Variants in FIGN observed in about 807,000 individuals in gnomAD.
The protein encoded by FIGN is fidgetin, microtubule severing factor.
FIGN carries 11 observed loss-of-function variants against 51.3 expected under a neutral mutation model. The ratio of observed to expected loss-of-function variants is 0.21; its 90% CI spans 0.13 to 0.35. The LOEUF is 0.35. Among genes scored for constraint, FIGN ranks in the 10% least tolerant of loss-of-function variants. FIGN has a pLI of 1.00. For synonymous variants in FIGN, 407 were observed against 363.2 expected, an observed-to-expected ratio of 1.12 and a Z score of -1.37; for missense variants, 857 against 943.6, an observed-to-expected ratio of 0.91 and a Z score of 1.20.
chr2:163,639,082 G>A (rs551489598), intron 2 of FIGN, among the ~76,000 whole-genome samples: 6 of 151,586 alleles, frequency 4.0e-5, no homozygotes, highest in Admixed American at 2.6e-4. Flanking sequence ...TAGAATTTTC[G>A]GCACAAAAAA....
At chr2:163,689,199 A>ACACAC (rs1684200860) in intron 2 of FIGN, among the ~76,000 whole-genome samples, 1 of 15,942 alleles carries the variant, frequency 6.3e-5, no homozygotes, top group African/African-American at 1.8e-4. Context: ...CACACACAGA[A>ACACAC]ACACACACAG....
chr2:163,646,379 G>A (rs1683382716), intron 2 of FIGN, among the ~76,000 whole-genome samples: 1 of 152,066 alleles, frequency 6.6e-6, no homozygotes, highest in Admixed American at 6.5e-5. Context: ...AAATGTTTTG[G>A]GAGTTTATGA....
In FIGN at chr2:163,641,918, C is replaced by A. The variant is rs185022489; in HGVS notation, c.26-30112G>T. On this transcript the variant is annotated intron_variant, in intron 2 of 2. Transcript: ENST00000333129. Reference sequence around the variant, plus strand: ...ATTTATAGAATCTACGCTCTTTAGACCACTCAAGCTCCAAAGATTTCTGAC... The same window carrying A: ...ATTTATAGAATCTACGCTCTTTAGAACACTCAAGCTCCAAAGATTTCTGAC... Among the ~76,000 whole-genome samples the A allele has an allele frequency of 1.9e-3, 286 of 152,282 alleles. 1 individual carries two copies. Among genetic ancestry groups the A allele is most frequent in the African/African-American group, 6.2e-3 (257 of 41,568 alleles).
At chr2:163,643,666 A>G (rs2105317719) in intron 2 of FIGN, among the ~76,000 whole-genome samples, 1 of 151,246 alleles carries the variant, frequency 6.6e-6, no homozygotes, top group South Asian at 2.1e-4. Flanking sequence ...AAAAAAAAAA[A>G]ATGATTGCCG....
intron 2 of FIGN, among the ~76,000 whole-genome samples, chr2:163,688,386 G>A (rs1033033595): frequency 1.3e-5 from 2 of 152,156 alleles, no homozygotes; most frequent in Admixed American, 6.5e-5. Context: ...AGATAAAGTG[G>A]TGGAAAAGAT....
chr2:163,700,953 A>T (rs1684399168), intron 2 of FIGN, among the ~76,000 whole-genome samples: 1 of 152,142 alleles, frequency 6.6e-6, no homozygotes, highest in Non-Finnish European at 1.5e-5. Flanking sequence ...TCTGGAACAC[A>T]CTAGATGTAC....
At chr2:163,620,921 A>G (rs954290341) in intron 2 of FIGN, among the ~76,000 whole-genome samples, 1 of 151,392 alleles carries the variant, frequency 6.6e-6, no homozygotes, top group African/African-American at 2.4e-5. Context: ...ATTTAGTTAT[A>G]TTTAAACTGA....
At chr2:163,676,484 A>ATATAT (rs1491432139) in intron 2 of FIGN, among the ~76,000 whole-genome samples, 609 of 55,708 alleles carry the variant, frequency 0.011, 152 homozygotes, top group Non-Finnish European at 0.018. Flanking sequence ...TATATATATA[A>ATATAT]CTAGAGTCTG....
At chr2:163,668,165 C>A (rs2105331487) in intron 2 of FIGN, among the ~76,000 whole-genome samples, 1 of 152,166 alleles carries the variant, frequency 6.6e-6, no homozygotes, top group East Asian at 1.9e-4. Flanking sequence ...CATCTTCCAA[C>A]CCATGAATGA....
intron 2 of FIGN, among the ~76,000 whole-genome samples, chr2:163,659,751 C>T (rs903209520): frequency 2.6e-5 from 4 of 152,166 alleles, no homozygotes; most frequent in Admixed American, 6.5e-5. Flanking sequence ...AAATCAGATG[C>T]AACTTTTTTC....
At chr2:163,672,972 A>C (rs549805879) in intron 2 of FIGN, among the ~76,000 whole-genome samples, 1 of 152,336 alleles carries the variant, frequency 6.6e-6, no homozygotes, top group Non-Finnish European at 1.5e-5. Context: ...GGGGACCAAA[A>C]AGTTACATTT....
At chr2:163,686,518 C>T (rs887171737) in intron 2 of FIGN, among the ~76,000 whole-genome samples, 7 of 152,084 alleles carry the variant, frequency 4.6e-5, no homozygotes, top group African/African-American at 1.7e-4. Flanking sequence ...GAGTTGGGAA[C>T]GGTAAAGAAG....
At chr2:163,730,798 C>T (rs1200447875) in intron 2 of FIGN, among the ~76,000 whole-genome samples, 1 of 152,118 alleles carries the variant, frequency 6.6e-6, no homozygotes, top group Non-Finnish European at 1.5e-5. Flanking sequence ...CAATATTTCA[C>T]ACAAACATCT....
intron 2 of FIGN, among the ~76,000 whole-genome samples, chr2:163,621,022 T>G (rs1165221609): frequency 6.6e-6 from 1 of 152,102 alleles, no homozygotes; most frequent in Non-Finnish European, 1.5e-5. Context: ...TTGCTTAAAA[T>G]GAAATTTGCA....
intron 2 of FIGN, among the ~76,000 whole-genome samples, chr2:163,650,035 T>C (rs980284670): frequency 2.6e-5 from 4 of 152,062 alleles, no homozygotes; most frequent in Non-Finnish European, 5.9e-5. Flanking sequence ...TCCCATTACA[T>C]TGGAGACTAT....
rs1691212945 is a variant in FIGN, at chr2:163,610,335, T to C, written c.1497A>G (p.Lys499=). ...AGLDLVKAVI[K]EEVLWPVLRS... Reference sequence around the variant, plus strand: ...TCAACACTGGCCATAAAACCTCCTCTTTAATGACAGCCTTCACCAGGTCGA... The same window carrying C: ...TCAACACTGGCCATAAAACCTCCTCCTTAATGACAGCCTTCACCAGGTCGA... The change falls in exon 3 of 3, where the codon AAA becomes AAG. Residue 499 remains lysine, a synonymous_variant. Coordinates refer to ENST00000333129, the MANE Select transcript of FIGN (RefSeq NM_018086.4). 1 of 1,614,012 alleles carries C rather than the reference T, an allele frequency of 6.2e-7. No homozygotes were observed. Among genetic ancestry groups the C allele is most frequent in the Non-Finnish European group, 8.5e-7 (1 of 1,180,024 alleles).
At chr2:163,639,280 A>G (rs183760964) in intron 2 of FIGN, among the ~76,000 whole-genome samples, 2 of 152,288 alleles carry the variant, frequency 1.3e-5, no homozygotes, top group South Asian at 4.1e-4. Flanking sequence ...CTTAAAAAAC[A>G]CAGCACATTT....
In FIGN at chr2:163,673,266, G is replaced by C. The variant is rs146867015; in HGVS notation, c.26-61460C>G. Among the ~76,000 whole-genome samples the C allele has an allele frequency of 9.2e-3, 1,406 of 152,092 alleles. 25 individuals are homozygous for C. Among genetic ancestry groups the C allele is most frequent in the African/African-American group, 0.032 (1,343 of 41,500 alleles). On this transcript the variant is annotated intron_variant, in intron 2 of 2. Coordinates refer to ENST00000333129, the MANE Select transcript of FIGN (RefSeq NM_018086.4). The stretch of plus-strand genomic sequence containing the variant: ...TTTCTTCAAATGGAAACATACTTGC[G>C]AGACACTGGGTCCCTGAGGGAAGAA...
chr2:163,656,535 T>C (rs1156851132), intron 2 of FIGN, among the ~76,000 whole-genome samples: 1 of 152,046 alleles, frequency 6.6e-6, no homozygotes, highest in Non-Finnish European at 1.5e-5. Flanking sequence ...CAAACCAAAC[T>C]TCTGTTGTAT....
Sources: gnomAD v4.1 joint callset for allele counts (sites outside exome capture counted in the v4.1 genomes callset) on GRCh38, gnomAD v4.1.1 for gene constraint, MANE v1.5 for transcripts, NCBI Gene and HGNC (gene_info 2026-07-23, HGNC 2026-07-21) for gene names.